The following FAM107A variants were observed in gnomAD, a reference collection of about 807,000 sequenced individuals.
FAM107A encodes the protein family with sequence similarity 107 member A.
FAM107A carries 19 observed loss-of-function variants against 13.7 expected under a neutral mutation model. That is an observed-to-expected ratio of 1.38 (90% CI 0.97 to 2.03). The LOEUF is 2.03. FAM107A is among the 30% of genes most tolerant of loss of function. The pLI, the probability that FAM107A is intolerant of heterozygous loss-of-function variation, is 0.00. For missense variants in FAM107A, 203 were observed against 184.4 expected, an observed-to-expected ratio of 1.10 and a Z score of -0.58; for synonymous variants, 82 against 74.5, an observed-to-expected ratio of 1.10 and a Z score of -0.52.
upstream of FAM107A, among the ~76,000 whole-genome samples, chr3:58,587,822 A>T (rs1167971266): frequency 6.6e-6 from 1 of 152,164 alleles, no homozygotes; most frequent in Non-Finnish European, 1.5e-5. Flanking sequence ...TCTGGTGCTA[A>T]GTTTCTTCTA....
chr3:58,604,600 G>A lies in FAM107A; in HGVS notation c.-69-15331C>T, dbSNP rs1009077504. Reference sequence around the variant, plus strand: ...ATAAGATCAATCAGCGGGACCTCAGGATGTGTGGACTGAATGCACTTTCCT... The same window carrying A: ...ATAAGATCAATCAGCGGGACCTCAGAATGTGTGGACTGAATGCACTTTCCT... On this transcript the variant is annotated intron_variant, in intron 1 of 3. Coordinates refer to the FAM107A transcript ENST00000465970. The surrounding 1 kb of genome is among the most constrained non-coding windows in gnomAD (Gnocchi z 4.1). Among the ~76,000 whole-genome samples, 2 of 152,150 alleles carry A rather than the reference G, an allele frequency of 1.3e-5. No homozygotes were observed. Among genetic ancestry groups the A allele is most frequent in the African/African-American group, 2.4e-5 (1 of 41,440 alleles).
chr3:58,603,277 GAGA>G (rs1020039804), intron 1 of FAM107A, among the ~76,000 whole-genome samples: 2 of 152,136 alleles, frequency 1.3e-5, no homozygotes, highest in South Asian at 2.1e-4. Flanking sequence ...TGAGAATAAT[GAGA>G]AGGAGGACAA....
chr3:58,605,377 C>T (rs4681873), intron 1 of FAM107A, among the ~76,000 whole-genome samples: 24,256 of 152,134 alleles, frequency 0.16, 2,874 homozygotes, highest in East Asian at 0.46. Context: ...TTGGGGCTCC[C>T]TATCTATGCG....
intron 1 of FAM107A, among the ~76,000 whole-genome samples, chr3:58,602,579 T>G (rs2065761916): frequency 6.6e-6 from 1 of 152,202 alleles, no homozygotes; most frequent in Non-Finnish European, 1.5e-5. Context: ...GGGGATTGAT[T>G]AAATTGTACT....
chr3:58,592,388 G>A (rs2065661144), intron 1 of FAM107A, among the ~76,000 whole-genome samples: 1 of 152,156 alleles, frequency 6.6e-6, no homozygotes, highest in South Asian at 2.1e-4. Flanking sequence ...ATTTGACCCT[G>A]CCTAGGACTG....
At chr3:58,600,908 G>T (rs139471910) in intron 1 of FAM107A, among the ~76,000 whole-genome samples, 144 of 152,214 alleles carry the variant, frequency 9.5e-4, no homozygotes, top group Admixed American at 4.1e-3. Flanking sequence ...GTCTCCCTTC[G>T]GGCACCAGAG....
chr3:58,608,348 A>G (rs145103969), intron 1 of FAM107A, among the ~76,000 whole-genome samples: 184 of 152,320 alleles, frequency 1.2e-3, no homozygotes, highest in African/African-American at 4.3e-3. Flanking sequence ...AATTTTGCTT[A>G]AAATAAGAAG....
chr3:58,614,467 A>T (rs761941393), intron 1 of FAM107A, among the ~76,000 whole-genome samples: 1 of 151,256 alleles, frequency 6.6e-6, no homozygotes, highest in African/African-American at 2.4e-5. Flanking sequence ...TGCTGTTCTG[A>T]TAGTAACTCA....
intron 1 of FAM107A, among the ~76,000 whole-genome samples, chr3:58,619,395 G>A (rs72876166): frequency 0.038 from 5,713 of 152,186 alleles, 214 homozygotes; most frequent in East Asian, 0.13. Flanking sequence ...CCAAATCTGT[G>A]GCAGTCCCTA....
At chr3:58,567,438 C>T (rs768425501) in intron 2 of FAM107A, 74 bp from the exon 3 acceptor site, 18 of 1,462,182 alleles carry the variant, frequency 1.2e-5, no homozygotes, top group South Asian at 1.2e-4. Flanking sequence ...CTGCTTCCTG[C>T]GGTGACACCA....
intron 1 of FAM107A, chr3:58,609,067 G>C (rs1271262322): frequency 1.3e-5 from 2 of 152,058 alleles, no homozygotes; most frequent in African/African-American, 4.8e-5. Flanking sequence ...GCATTTTCAG[G>C]GCCTGGTCAT....
chr3:58,575,867 C>T (rs1399097282), intron 1 of FAM107A, among the ~76,000 whole-genome samples: 1 of 152,244 alleles, frequency 6.6e-6, no homozygotes, highest in Non-Finnish European at 1.5e-5. Context: ...AGAGGACCAG[C>T]TGGTGGCCTT....
upstream of FAM107A, among the ~76,000 whole-genome samples, chr3:58,588,249 C>T (rs565957766): frequency 6.6e-6 from 1 of 152,342 alleles, no homozygotes; most frequent in South Asian, 2.1e-4. Flanking sequence ...AAGGCTGTGT[C>T]TGAAAGAGCC....
upstream of FAM107A, among the ~76,000 whole-genome samples, chr3:58,587,668 C>T (rs1281972419): frequency 2.0e-5 from 3 of 152,028 alleles, no homozygotes; most frequent in African/African-American, 7.3e-5. Context: ...TGGAACTCCA[C>T]CAGATTGCTT....
At position 58,577,319 on chromosome 3, in the gene FAM107A, G is replaced by A. The variant is rs372907593; in HGVS notation, c.-16C>T. 1 of 985,224 alleles carries A rather than the reference G, an allele frequency of 1.0e-6. No individual in the cohort carries two copies. Among genetic ancestry groups the A allele is most frequent in the Non-Finnish European group, 1.2e-6 (1 of 829,806 alleles). 61.0% of individuals were successfully genotyped at this position (985,224 alleles called of 1,614,324 possible). ...CAGAGATGGTCTTACTTCTCAGGTC[G>A]AGTCCTTGGGAAGGGAAGTCAGGAG... On this transcript the variant is annotated 5_prime_UTR_variant, in exon 1 of 4. Transcript: ENST00000360997. This position sits in a 1 kb window ranked among gnomAD's most constrained non-coding sequence, Gnocchi z 4.9.
At chr3:58,587,104 G>T in exon 1 of FAM107A, 3 of 1,369,442 alleles carry the variant, frequency 2.2e-6, no homozygotes, top group Non-Finnish European at 2.8e-6. Context: ...AGGAGACGCC[G>T]CCGGGGGAAG....
chr3:58,565,254 A>T lies in FAM107A; in HGVS notation c.*1334T>A, dbSNP rs1288221133. The T allele has an allele frequency of 6.6e-6, 1 of 152,002 alleles. No individual in the cohort carries two copies. Among genetic ancestry groups the T allele is most frequent in the Non-Finnish European group, 1.5e-5 (1 of 68,012 alleles). 9.4% of individuals were successfully genotyped at this position (152,002 alleles called of 1,614,324 possible). A position where few individuals can be genotyped will look rare whatever the true frequency, so the allele number is the denominator to read the frequency against. On this transcript the variant is annotated 3_prime_UTR_variant, in exon 4 of 4. Coordinates refer to ENST00000360997, the MANE Select transcript of FAM107A (RefSeq NM_001076778.3). ...CTGAAGAAGAAAAATGGGTGAATTCACTGGAGTTGGCCCAGCTAGGGGTTG... is the reference window on the plus strand; with the variant it reads ...CTGAAGAAGAAAAATGGGTGAATTCTCTGGAGTTGGCCCAGCTAGGGGTTG...
At chr3:58,582,345 G>A (rs576736061), upstream of FAM107A, among the ~76,000 whole-genome samples, 1 of 152,348 alleles carries the variant, frequency 6.6e-6, no homozygotes, top group East Asian at 1.9e-4. Flanking sequence ...CTGCCCCTCT[G>A]GCTGCGGAGA....
upstream of FAM107A, among the ~76,000 whole-genome samples, chr3:58,587,562 A>G (rs921130996): frequency 6.6e-6 from 1 of 151,934 alleles, no homozygotes; most frequent in Non-Finnish European, 1.5e-5. Context: ...TATACAGTAT[A>G]CACTGGTACT....
Sources: gnomAD v4.1 joint callset for allele counts (sites outside exome capture counted in the v4.1 genomes callset) on GRCh38, gnomAD v4.1.1 for gene constraint, Gnocchi (gnomAD v3.1) non-coding constraint, MANE v1.5 for transcripts, NCBI Gene and HGNC (gene_info 2026-07-23, HGNC 2026-07-21) for gene names.